PCDH7: variants seen among roughly 807,000 people sequenced by gnomAD.
The protein encoded by PCDH7 is protocadherin 7, also known as protocadherin-7.
A neutral mutation model predicts 58.9 loss-of-function variants in PCDH7; 17 were observed. That is an observed-to-expected ratio of 0.29 (90% CI 0.20 to 0.43). The LOEUF (loss-of-function observed/expected upper bound fraction) is 0.43, where lower values mean the gene tolerates loss of function less well. Among genes scored for constraint, PCDH7 ranks in the 20% least tolerant of loss-of-function variants. PCDH7 has a pLI of 1.00. For missense variants in PCDH7, 1,274 were observed against 1,441.0 expected, an observed-to-expected ratio of 0.88 and a Z score of 1.88; for synonymous variants, 664 against 616.4, an observed-to-expected ratio of 1.08 and a Z score of -1.14.
At chr4:30,800,653 G>A (rs1182310385) in intron 1 of PCDH7, among the ~76,000 whole-genome samples, 1 of 152,186 alleles carries the variant, frequency 6.6e-6, no homozygotes, top group African/African-American at 2.4e-5. Context: ...GTTGAACCTT[G>A]TAATAAATTA....
intron 3 of PCDH7, among the ~76,000 whole-genome samples, chr4:31,086,082 T>G (rs952628126): frequency 6.6e-6 from 1 of 152,214 alleles, no homozygotes; most frequent in African/African-American, 2.4e-5. Flanking sequence ...ATTTTATTCC[T>G]GGTTTTGCTT....
At chr4:31,068,314 A>AG (rs1279219551) in intron 3 of PCDH7, among the ~76,000 whole-genome samples, 4 of 151,894 alleles carry the variant, frequency 2.6e-5, no homozygotes, top group Non-Finnish European at 5.9e-5. Flanking sequence ...AAAAAAAAAA[A>AG]AAGTCTTTAA....
intron 3 of PCDH7, among the ~76,000 whole-genome samples, chr4:31,127,875 T>C (rs1331238910): frequency 6.6e-6 from 1 of 151,932 alleles, no homozygotes; most frequent in African/African-American, 2.4e-5. Flanking sequence ...TACACAGAAA[T>C]AGCCAAAATA....
intron 1 of PCDH7, among the ~76,000 whole-genome samples, chr4:30,870,389 G>A (rs1277027080): frequency 6.6e-6 from 1 of 151,884 alleles, no homozygotes; most frequent in Non-Finnish European, 1.5e-5. Flanking sequence ...TATTGCCTAG[G>A]TTTTCTTCCA....
chr4:30,854,932 T>TTA (rs1733265790), intron 1 of PCDH7, among the ~76,000 whole-genome samples: 1 of 152,170 alleles, frequency 6.6e-6, no homozygotes, highest in Non-Finnish European at 1.5e-5. Context: ...GTATTATTAT[T>TTA]TATACCTTAC....
intron 1 of PCDH7, among the ~76,000 whole-genome samples, chr4:30,876,360 T>A (rs1736282399): frequency 6.6e-6 from 1 of 152,166 alleles, no homozygotes; most frequent in African/African-American, 2.4e-5. Context: ...ATGACTGTTC[T>A]TGTGATATTA....
At chr4:30,933,981 A>G (rs143369208) in intron 2 of PCDH7, among the ~76,000 whole-genome samples, 288 of 152,346 alleles carry the variant, frequency 1.9e-3, no homozygotes, top group African/African-American at 5.9e-3. Flanking sequence ...ACGTGTTCAC[A>G]CGGAACCATA....
chr4:30,980,354 T>TG (rs1750445573), intron 3 of PCDH7, among the ~76,000 whole-genome samples: 1 of 152,206 alleles, frequency 6.6e-6, no homozygotes, highest in African/African-American at 2.4e-5. Flanking sequence ...ATTGTTTTTT[T>TG]TGTGTGTGTG....
intron 1 of PCDH7, among the ~76,000 whole-genome samples, chr4:30,852,803 C>T (rs146805737): frequency 1.5e-3 from 193 of 129,184 alleles, no homozygotes; most frequent in African/African-American, 5.6e-3. Context: ...AGAACCAGAA[C>T]TCAAACTCAG....
intron 1 of PCDH7, among the ~76,000 whole-genome samples, chr4:30,747,559 G>T (rs934147019): frequency 3.3e-5 from 5 of 152,146 alleles, no homozygotes; most frequent in African/African-American, 1.2e-4. Flanking sequence ...CATCTTCAAA[G>T]CCAGGAATGG....
intron 2 of PCDH7, among the ~76,000 whole-genome samples, chr4:30,925,067 CCTTA>C (rs773278736): frequency 3.3e-5 from 5 of 152,130 alleles, no homozygotes; most frequent in Non-Finnish European, 7.4e-5. Flanking sequence ...TTCCAAACTT[CCTTA>C]CTTTGTCACA....
At chr4:30,948,489 T>C (rs912457141) in intron 2 of PCDH7, among the ~76,000 whole-genome samples, 1 of 152,114 alleles carries the variant, frequency 6.6e-6, no homozygotes, top group African/African-American at 2.4e-5. Flanking sequence ...TTCAACTTTA[T>C]TTTACTGAAA....
At chr4:30,758,116 G>C (rs1236081158) in intron 1 of PCDH7, among the ~76,000 whole-genome samples, 1 of 152,174 alleles carries the variant, frequency 6.6e-6, no homozygotes, top group African/African-American at 2.4e-5. Context: ...GACCGTGAGG[G>C]CTGCAATTAG....
intron 2 of PCDH7, among the ~76,000 whole-genome samples, chr4:30,938,481 T>TACACAC (rs35485597): frequency 6.7e-6 from 1 of 148,620 alleles, no homozygotes; most frequent in African/African-American, 2.5e-5. Flanking sequence ...GGGAAAAACA[T>TACACAC]ACACACACAC....
chr4:30,990,356 G>A (rs1751367226), intron 3 of PCDH7, among the ~76,000 whole-genome samples: 1 of 151,838 alleles, frequency 6.6e-6, no homozygotes. Flanking sequence ...CTATAGAAAT[G>A]TTTTCAGCAT....
chr4:31,016,899 TG>T (rs1753660001), intron 3 of PCDH7, among the ~76,000 whole-genome samples: 1 of 148,606 alleles, frequency 6.7e-6, no homozygotes, highest in Non-Finnish European at 1.5e-5. Context: ...GTGTGCTGGG[TG>T]TGTGTGTGTG....
At chr4:30,772,005 C>G (rs1159458464) in intron 1 of PCDH7, among the ~76,000 whole-genome samples, 1 of 151,910 alleles carries the variant, frequency 6.6e-6, no homozygotes, top group East Asian at 2.0e-4. Flanking sequence ...TGAGTAGCTA[C>G]AATCACAGAT....
chr4:31,143,137 GA>G (rs11424149), downstream of PCDH7: 12 of 155,080 alleles, frequency 7.7e-5, no homozygotes, highest in Non-Finnish European at 1.1e-4. Context: ...AAAAAGAAAA[GA>G]AAAAAAAAGG....
downstream of PCDH7, chr4:31,144,354 G>T (rs752387199): frequency 2.6e-5 from 4 of 152,138 alleles, no homozygotes; most frequent in Non-Finnish European, 4.4e-5. Context: ...AGTTTTTCCA[G>T]TGCAATAAAA....
Sources: allele counts gnomAD v4.1 joint callset (sites outside exome capture counted in the v4.1 genomes callset), GRCh38; gene constraint gnomAD v4.1.1; transcripts MANE v1.5; gene names NCBI Gene and HGNC (gene_info 2026-07-23, HGNC 2026-07-21).